Variants in LRRC4C observed in about 807,000 individuals in gnomAD.
LRRC4C encodes leucine-rich repeat-containing protein 4C.
Under a neutral mutation model 33.6 loss-of-function variants are expected in LRRC4C, and 5 were observed. The ratio of observed to expected loss-of-function variants is 0.15; its 90% CI spans 0.08 to 0.31. The LOEUF is 0.31. Among genes scored for constraint, LRRC4C ranks in the 10% least tolerant of loss-of-function variants. LRRC4C has a pLI of 1.00. For missense variants in LRRC4C, 560 were observed against 796.7 expected (o/e 0.70, Z 3.58); for synonymous variants, 329 against 302.0 (o/e 1.09, Z -0.93).
chr11:41,007,133 C>A (rs868023543), intron 1 of LRRC4C, among the ~76,000 whole-genome samples: 4 of 151,546 alleles, frequency 2.6e-5, no homozygotes, highest in African/African-American at 9.7e-5. Flanking sequence ...AACCCTGTTG[C>A]CAAAAAATGC....
At chr11:40,738,084 G>T (rs770852221) in intron 2 of LRRC4C, among the ~76,000 whole-genome samples, 5 of 152,126 alleles carry the variant, frequency 3.3e-5, no homozygotes, top group South Asian at 2.1e-4. Context: ...GCAACCATCT[G>T]ATCTTTGACA....
Position 40,174,070 on chromosome 11 carries a change from G to A in LRRC4C, c.-95-33217C>T, listed in dbSNP as rs112371765. Among the ~76,000 whole-genome samples, 534 of 152,100 alleles carry A rather than the reference G, an allele frequency of 3.5e-3. 2 individuals carry two copies. Among genetic ancestry groups the A allele is most frequent in the African/African-American group, 7.3e-3 (304 of 41,496 alleles). ...AAGCCCCACCTAATTGAGGAACAAC[G>A]GTATACACACTAAAATGTTGATGAG... is the stretch of plus-strand genomic sequence containing the variant. On this transcript the variant is annotated intron_variant, in intron 5 of 6. Coordinates refer to ENST00000528697, the MANE Select transcript of LRRC4C (RefSeq NM_001258419.2).
chr11:40,259,975 C>G (rs1257398637), intron 4 of LRRC4C, among the ~76,000 whole-genome samples: 2 of 115,626 alleles, frequency 1.7e-5, no homozygotes, highest in African/African-American at 5.6e-5. Context: ...ACTAGTTCAA[C>G]CATTGTGGAA....
At chr11:40,615,758 C>T (rs1177144103) in intron 3 of LRRC4C, among the ~76,000 whole-genome samples, 1 of 151,660 alleles carries the variant, frequency 6.6e-6, no homozygotes, top group African/African-American at 2.4e-5. Flanking sequence ...ACTACATTCC[C>T]TCTTAACCTT....
At chr11:41,382,729 A>G (rs755784113) in intron 1 of LRRC4C, among the ~76,000 whole-genome samples, 1 of 152,132 alleles carries the variant, frequency 6.6e-6, no homozygotes, top group Non-Finnish European at 1.5e-5. Flanking sequence ...AAATAATAAA[A>G]GAACTTGTAG....
At chr11:40,502,646 CG>C (rs1954835217) in intron 3 of LRRC4C, among the ~76,000 whole-genome samples, 1 of 152,114 alleles carries the variant, frequency 6.6e-6, no homozygotes, top group Non-Finnish European at 1.5e-5. Context: ...TCCCACAACA[CG>C]TGAGAATTAT....
chr11:40,414,300 C>G lies in LRRC4C; in HGVS notation c.-269-94579G>C, dbSNP rs1561575. ...CAAGGAAGGTCAGAATGTGAGATTA[C>G]AGATTTTGCTGAACATTATTTTTGG... On this transcript the variant is annotated intron_variant, in intron 3 of 6. Transcript: ENST00000528697. Among the ~76,000 whole-genome samples, 596 of 152,100 alleles carry G rather than the reference C, an allele frequency of 3.9e-3. 20 individuals carry two copies. In the East Asian group the frequency reaches 0.07, roughly 18 times the overall value.
chr11:41,352,780 A>G (rs1415702256), intron 1 of LRRC4C, among the ~76,000 whole-genome samples: 3 of 152,302 alleles, frequency 2.0e-5, no homozygotes, highest in Admixed American at 1.3e-4. Context: ...CTTTTGAGTA[A>G]ATAATGAAAT....
At chr11:40,666,032 G>T (rs192219102) in intron 2 of LRRC4C, among the ~76,000 whole-genome samples, 10 of 152,192 alleles carry the variant, frequency 6.6e-5, no homozygotes, top group Non-Finnish European at 1.5e-5. Context: ...GTGTGTTCAT[G>T]TGTACAGGTC....
At chr11:40,200,668 TCATAC>T (rs2135721633) in intron 5 of LRRC4C, among the ~76,000 whole-genome samples, 1 of 141,480 alleles carries the variant, frequency 7.1e-6, no homozygotes, top group African/African-American at 2.7e-5. Flanking sequence ...TTACCTTTGG[TCATAC>T]ATACATTGCT....
At chr11:41,060,812 C>A (rs892047220) in intron 1 of LRRC4C, among the ~76,000 whole-genome samples, 1 of 152,174 alleles carries the variant, frequency 6.6e-6, no homozygotes, top group African/African-American at 2.4e-5. Context: ...TTAAGCCAGA[C>A]AAATTAGAGG....
chr11:40,602,845 G>A (rs554583892), intron 3 of LRRC4C, among the ~76,000 whole-genome samples: 5 of 152,192 alleles, frequency 3.3e-5, no homozygotes, highest in Admixed American at 1.3e-4. Context: ...ACTTCACCAC[G>A]TATCTGCCTC....
intron 2 of LRRC4C, among the ~76,000 whole-genome samples, chr11:40,674,477 A>G (rs1316782809): frequency 1.3e-5 from 2 of 152,196 alleles, no homozygotes; most frequent in African/African-American, 4.8e-5. Context: ...TTGTCCAATC[A>G]GAATGGATGT....
intron 1 of LRRC4C, among the ~76,000 whole-genome samples, chr11:41,277,960 T>C (rs1325347817): frequency 1.3e-5 from 2 of 151,948 alleles, no homozygotes; most frequent in Non-Finnish European, 2.9e-5. Context: ...CGTGATCCCA[T>C]TGATGTGTGG....
At chr11:41,351,568 G>GA (rs1208349954) in intron 1 of LRRC4C, among the ~76,000 whole-genome samples, 2 of 151,986 alleles carry the variant, frequency 1.3e-5, no homozygotes, top group Non-Finnish European at 2.9e-5. Context: ...GAACACATAA[G>GA]AAAAAATACT....
chr11:40,918,481 C>A (rs1313807332), intron 2 of LRRC4C, among the ~76,000 whole-genome samples: 1 of 151,922 alleles, frequency 6.6e-6, no homozygotes, highest in African/African-American at 2.4e-5. Flanking sequence ...TCAAAATCAG[C>A]CTTGCCAATT....
chr11:40,135,849 T>G (rs1016096440), intron 6 of LRRC4C, among the ~76,000 whole-genome samples: 1 of 152,202 alleles, frequency 6.6e-6, no homozygotes, highest in Non-Finnish European at 1.5e-5. Context: ...GCCAAAGGCA[T>G]ACCGCAAAAA....
intron 2 of LRRC4C, among the ~76,000 whole-genome samples, chr11:40,710,087 G>A (rs1246299737): frequency 8.5e-5 from 13 of 152,064 alleles, no homozygotes; most frequent in Non-Finnish European, 1.6e-4. Flanking sequence ...TTAGCTATTC[G>A]TCTAATCTTT....
At chr11:40,137,434 C>T (rs1025916803) in intron 6 of LRRC4C, among the ~76,000 whole-genome samples, 5 of 152,136 alleles carry the variant, frequency 3.3e-5, no homozygotes, top group Non-Finnish European at 7.4e-5. Flanking sequence ...CCTCATTTAT[C>T]CCTGAAATTG....
Sources: allele counts gnomAD v4.1 joint callset (sites outside exome capture counted in the v4.1 genomes callset), GRCh38; gene constraint gnomAD v4.1.1; transcripts MANE v1.5; gene names NCBI Gene and HGNC (gene_info 2026-07-23, HGNC 2026-07-21).